Variants in PDE4D observed in about 807,000 individuals in gnomAD.
PDE4D encodes phosphodiesterase 4D.
In PDE4D, 24 loss-of-function variants were observed where a neutral mutation model predicts 87.4. The ratio of observed to expected loss-of-function variants is 0.27; its 90% CI spans 0.20 to 0.39. The LOEUF is 0.39. PDE4D is among the 10% of genes least tolerant of loss of function. PDE4D has a pLI of 1.00. For synonymous variants in PDE4D, 384 were observed against 383.2 expected (o/e 1.00, Z -0.02); for missense variants, 714 against 1,041.0 (o/e 0.69, Z 4.32).
chr5:59,416,590 G>A (rs1190418095), intron 1 of PDE4D, among the ~76,000 whole-genome samples: 3 of 152,182 alleles, frequency 2.0e-5, no homozygotes, highest in African/African-American at 7.2e-5. Flanking sequence ...GCAGGAATTC[G>A]GGTAGTATCA....
intron 5 of PDE4D, among the ~76,000 whole-genome samples, chr5:59,128,239 T>C (rs1170655647): frequency 6.6e-6 from 1 of 151,756 alleles, no homozygotes; most frequent in Non-Finnish European, 1.5e-5. Flanking sequence ...AAGCCCATAT[T>C]CACCCCAGAT....
At chr5:59,144,900 G>C (rs1457408803) in intron 5 of PDE4D, among the ~76,000 whole-genome samples, 4 of 141,746 alleles carry the variant, frequency 2.8e-5, no homozygotes, top group African/African-American at 1.0e-4. Flanking sequence ...TGGGGGGGGG[G>C]GGGGGAACCA....
chr5:60,490,563 A>G (rs1411432218), upstream of PDE4D: 1 of 152,192 alleles, frequency 6.6e-6, no homozygotes, highest in Non-Finnish European at 1.5e-5. Flanking sequence ...ATTCATCAGG[A>G]CTTGTATTAG....
chr5:59,215,863 T>C lies in PDE4D; in HGVS notation c.561A>G (p.Arg187=). 1 of 1,613,680 alleles carries C rather than the reference T, an allele frequency of 6.2e-7. No individual in the cohort carries two copies. The highest frequency in any genetic ancestry group is 1.7e-5 in the Admixed American group (1 of 59,992). ...ILQANFVHSQ[R]RESFLYRSDS... ...CGGATCGATACAGGAAGGACTCCCG[T>C]CGTTGACTGTGGACAAAATTTGCTT... Residue 187 remains arginine (R), a synonymous_variant, in exon 2 of 15, where the codon CGA becomes CGG. Coordinates refer to ENST00000340635, the MANE Select transcript of PDE4D (RefSeq NM_001104631.2).
At chr5:59,864,838 T>C (rs1185767245) in intron 1 of PDE4D, among the ~76,000 whole-genome samples, 2 of 151,816 alleles carry the variant, frequency 1.3e-5, no homozygotes, top group African/African-American at 4.8e-5. Flanking sequence ...CAGAGAGGAG[T>C]TGCTGCTAGA....
At chr5:59,795,091 G>C (rs1011177306) in intron 1 of PDE4D, among the ~76,000 whole-genome samples, 8 of 152,176 alleles carry the variant, frequency 5.3e-5, no homozygotes, top group African/African-American at 1.9e-4. Flanking sequence ...CTAATGTAAG[G>C]CTTGGCCATG....
chr5:59,112,616 T>C (rs1269312569), intron 5 of PDE4D, among the ~76,000 whole-genome samples: 3 of 152,030 alleles, frequency 2.0e-5, no homozygotes, highest in Non-Finnish European at 2.9e-5. Flanking sequence ...ATACGAGATG[T>C]TCTAAAAAGA....
chr5:60,279,857 T>G (rs1332255496), intron 1 of PDE4D, among the ~76,000 whole-genome samples: 1 of 151,902 alleles, frequency 6.6e-6, no homozygotes, highest in Non-Finnish European at 1.5e-5. Context: ...ATTTTTTGTG[T>G]TTTTAGTAGA....
chr5:60,213,856 T>C (rs1743539687), intron 1 of PDE4D, among the ~76,000 whole-genome samples: 1 of 152,180 alleles, frequency 6.6e-6, no homozygotes, highest in Admixed American at 6.5e-5. Context: ...CGAGATTAGG[T>C]GTCTGTAGGC....
rs531994166 is a variant in PDE4D, at chr5:59,716,198, C to T, written c.455+176970G>A. Among the ~76,000 whole-genome samples, 95 of 152,336 alleles carry T rather than the reference C, an allele frequency of 6.2e-4. 1 individual carries two copies. The highest frequency in any genetic ancestry group is 4.8e-3 in the South Asian group (23 of 4,830). ...CTCTGCACATTATGTAACCACGCCA[C>T]GTGAGGCACATTAGGTGATCACCCA... On this transcript the variant is annotated intron_variant, in intron 1 of 14. Coordinates refer to ENST00000340635, the MANE Select transcript of PDE4D (RefSeq NM_001104631.2).
chr5:59,742,526 T>A (rs1441958834), intron 1 of PDE4D, among the ~76,000 whole-genome samples: 4 of 152,228 alleles, frequency 2.6e-5, no homozygotes, highest in Non-Finnish European at 5.9e-5. Context: ...CCATTTTATA[T>A]CCAAAATATA....
chr5:59,806,975 G>T (rs1286095879), intron 1 of PDE4D, among the ~76,000 whole-genome samples: 1 of 152,164 alleles, frequency 6.6e-6, no homozygotes, highest in Non-Finnish European at 1.5e-5. Flanking sequence ...ATTTTATGGA[G>T]AAAGTTATGG....
intron 3 of PDE4D, among the ~76,000 whole-genome samples, chr5:59,942,409 G>T (rs1048001639): frequency 6.6e-6 from 1 of 152,124 alleles, no homozygotes; most frequent in African/African-American, 2.4e-5. Flanking sequence ...AGAAAAGCTT[G>T]CTCTGTGAGG....
chr5:59,970,752 G>C (rs1760636780), intron 3 of PDE4D, among the ~76,000 whole-genome samples: 1 of 148,068 alleles, frequency 6.8e-6, no homozygotes, highest in Non-Finnish European at 1.5e-5. Context: ...CTTTTACACT[G>C]TTGGTGGGAC....
At chr5:60,230,434 T>G (rs1249939043) in intron 1 of PDE4D, among the ~76,000 whole-genome samples, 1 of 152,072 alleles carries the variant, frequency 6.6e-6, no homozygotes, top group Non-Finnish European at 1.5e-5. Flanking sequence ...CTTATTCTAG[T>G]TGGATTTTTC....
At chr5:59,441,277 A>C (rs987028810) in intron 1 of PDE4D, among the ~76,000 whole-genome samples, 4 of 152,144 alleles carry the variant, frequency 2.6e-5, no homozygotes, top group Non-Finnish European at 4.4e-5. Flanking sequence ...AAAAATTTTT[A>C]GGAGAGACAG....
chr5:59,324,300 C>A (rs1775252050), intron 1 of PDE4D, among the ~76,000 whole-genome samples: 1 of 152,154 alleles, frequency 6.6e-6, no homozygotes, highest in Non-Finnish European at 1.5e-5. Flanking sequence ...TACCCAAGAG[C>A]CATTCCTTCC....
chr5:60,005,791 T>G (rs1202616366), intron 2 of PDE4D, among the ~76,000 whole-genome samples: 1 of 150,540 alleles, frequency 6.6e-6, no homozygotes, highest in Non-Finnish European at 1.5e-5. Flanking sequence ...TCAGCAAAAT[T>G]GAACCTATGA....
intron 2 of PDE4D, among the ~76,000 whole-genome samples, chr5:60,118,771 T>C (rs1160750799): frequency 6.6e-6 from 1 of 152,134 alleles, no homozygotes; most frequent in East Asian, 1.9e-4. Context: ...TGCATTATCA[T>C]CTTCAAGAGT....
Sources: gnomAD v4.1 joint callset for allele counts (sites outside exome capture counted in the v4.1 genomes callset) on GRCh38, gnomAD v4.1.1 for gene constraint, MANE v1.5 for transcripts, NCBI Gene and HGNC (gene_info 2026-07-23, HGNC 2026-07-21) for gene names.